Variants in ABCA8 observed in about 807,000 individuals in gnomAD.
The protein encoded by ABCA8 is ATP binding cassette subfamily A member 8.
Under a neutral mutation model 192.3 loss-of-function variants are expected in ABCA8, and 177 were observed. That is an observed-to-expected ratio of 0.92 (90% CI 0.81 to 1.04). The LOEUF is 1.04. Among genes scored for constraint, ABCA8 ranks in the 50% least tolerant of loss-of-function variants. The pLI is 0.00. For missense variants in ABCA8, 1,915 were observed against 1,904.8 expected (o/e 1.01, Z -0.10); for synonymous variants, 642 against 690.2 (o/e 0.93, Z 1.09).
At chr17:68,903,548 A>G (rs1340290424) in intron 19 of ABCA8, 49 bp from the exon 20 acceptor site, 1 of 1,571,134 alleles carries the variant, frequency 6.4e-7, no homozygotes. Flanking sequence ...TGAGCTTACT[A>G]TAGAGATTGG....
Position 68,868,362 on chromosome 17 carries a change from T to C in ABCA8, c.4712-6A>G. 6.2e-7 allele frequency: 1 copy of C among 1,611,620 alleles called. No individual in the cohort carries two copies. Among genetic ancestry groups the C allele is most frequent in the Non-Finnish European group, 8.5e-7 (1 of 1,177,804 alleles). ...TAGGTCAAAGCTCTGTTTAACTGCATAGGGATGAACATGTATTAGTTCATA... is the reference window on the plus strand; with the variant it reads ...TAGGTCAAAGCTCTGTTTAACTGCACAGGGATGAACATGTATTAGTTCATA... On this transcript the variant is annotated splice_region_variant and splice_polypyrimidine_tract_variant and intron_variant, in intron 38 of 39. Transcript: ENST00000586539.
Position 68,922,310 on chromosome 17 carries a change from A to G in ABCA8, c.1443-10T>C, listed in dbSNP as rs1177297701. 2.3e-6 allele frequency: 3 copies of G among 1,321,350 alleles called. No individual in the cohort carries two copies. The highest frequency in any genetic ancestry group is 3.0e-6 in the Non-Finnish European group (3 of 986,184). 81.9% of individuals were successfully genotyped at this position (1,321,350 alleles called of 1,614,324 possible). ...TGTAACATTTCTGATTCTGAAAAAA[A>G]GAAAAGATACTTCAAAGTGACAATT... is the stretch of plus-strand genomic sequence containing the variant. On this transcript the variant is annotated splice_polypyrimidine_tract_variant and intron_variant, in intron 11 of 39. Transcript: ENST00000586539.
chr17:68,946,527 C>T (rs1055267052), intron 2 of ABCA8, among the ~76,000 whole-genome samples: 1 of 152,180 alleles, frequency 6.6e-6, no homozygotes, highest in Non-Finnish European at 1.5e-5. Context: ...TCTATATCCT[C>T]TTTTCCCTTC....
In ABCA8 at chr17:68,937,093, T is replaced by C. The variant is rs36101902; in HGVS notation, c.324A>G (p.Pro108=). 32 of 1,608,334 alleles carry C rather than the reference T, an allele frequency of 2.0e-5. No homozygotes were observed. In the African/African-American group the frequency reaches 3.9e-4, roughly 20 times the overall value. ...FLAGKEVLGL[P]DEESIKEFTA... ...TGAATTCTTTAATACTTTCCTCATC[T>C]GGCAGTCCCAAGACCTCTTTACCTT... The change falls in exon 5 of 40, where the codon CCA becomes CCG. Residue 108 remains proline, a synonymous_variant. Coordinates refer to ENST00000586539, the MANE Select transcript of ABCA8 (RefSeq NM_001288985.2).
chr17:68,924,680 C>G (rs759325842), intron 11 of ABCA8, 21 bp downstream of exon 11: 4 of 1,603,072 alleles, frequency 2.5e-6, no homozygotes, highest in Non-Finnish European at 3.4e-6. Flanking sequence ...TTGCCCTGTT[C>G]TCCACCTGCA....
Position 68,881,211 on chromosome 17 carries a change from C to T in ABCA8, c.3947G>A (p.Gly1316Asp). 2 of 1,606,316 alleles carry T rather than the reference C, an allele frequency of 1.2e-6. No individual in the cohort carries two copies. The highest frequency in any genetic ancestry group is 1.7e-6 in the Non-Finnish European group (2 of 1,174,288). ...TRNVSFCVRKGEVLGLLGHNG... is the reference protein window; with the variant it reads ...TRNVSFCVRKDEVLGLLGHNG... ...GTGTCCTAATAATCCTAAAACTTCACCTGAAAAAAAGGTTACACTTAATAT... is the reference window on the plus strand; with the variant it reads ...GTGTCCTAATAATCCTAAAACTTCATCTGAAAAAAAGGTTACACTTAATAT... Residue 1316 changes from glycine to aspartate, a missense_variant and splice_region_variant, in exon 32 of 40, where the codon GGT becomes GAT. Coordinates refer to ENST00000586539, the MANE Select transcript of ABCA8 (RefSeq NM_001288985.2).
intron 8 of ABCA8, 69 bp from the exon 9 acceptor site, chr17:68,929,303 T>C (rs2067792287): frequency 1.6e-6 from 2 of 1,257,942 alleles, no homozygotes; most frequent in Non-Finnish European, 2.1e-6. Flanking sequence ...AAAATAGATA[T>C]ACAAAATTAT....
chr17:68,877,256 C>T (rs1315863169), intron 33 of ABCA8: 5 of 307,696 alleles, frequency 1.6e-5, no homozygotes, highest in African/African-American at 2.1e-5. Context: ...CGAGCTCAAG[C>T]AGTCCACCTG....
intron 17 of ABCA8, among the ~76,000 whole-genome samples, chr17:68,908,809 T>A (rs927101775): frequency 6.6e-6 from 1 of 152,200 alleles, no homozygotes; most frequent in Non-Finnish European, 1.5e-5. Context: ...CTGGAACGTG[T>A]TATTTAACTT....
intron 1 of ABCA8, among the ~76,000 whole-genome samples, chr17:68,952,440 G>A (rs2068593865): frequency 6.6e-6 from 1 of 152,078 alleles, no homozygotes; most frequent in South Asian, 2.1e-4. Flanking sequence ...GGATGGTCTC[G>A]ATCTCCTGAC....
At chr17:68,881,393 TG>T (rs1398476254) in intron 31 of ABCA8, among the ~76,000 whole-genome samples, 182 bp from the exon 32 acceptor site, 1 of 152,214 alleles carries the variant, frequency 6.6e-6, no homozygotes, top group Non-Finnish European at 1.5e-5. Context: ...CTCTCAATGA[TG>T]GGGTTACCTG....
chr17:68,884,631 G>A (rs1290530035), intron 27 of ABCA8: 3 of 1,221,326 alleles, frequency 2.5e-6, no homozygotes, highest in Non-Finnish European at 3.1e-6. Flanking sequence ...GAATCCTGGA[G>A]ATCCGTGCTA....
chr17:68,875,136 T>C, intron 37 of ABCA8, 124 bp downstream of exon 37: 4 of 1,351,178 alleles, frequency 3.0e-6, no homozygotes, highest in Non-Finnish European at 4.0e-6. Flanking sequence ...CTAGTTTACT[T>C]CCTGCAGAAT....
At chr17:68,927,886 A>T in intron 10 of ABCA8, 30 bp downstream of exon 10, 1 of 1,456,058 alleles carries the variant, frequency 6.9e-7, no homozygotes, top group Non-Finnish European at 9.4e-7. Flanking sequence ...TATTTAAATG[A>T]TATATGATTT....
At position 68,940,804 on chromosome 17, in the gene ABCA8, C is replaced by A; in HGVS notation, c.255G>T (p.Thr85=). 6.2e-7 allele frequency: 1 copy of A among 1,613,480 alleles called. No homozygotes were observed. The highest frequency in any genetic ancestry group is 1.1e-5 in the South Asian group (1 of 91,044). ...FSVVYTPVTN[T]TQQIMNKVAS... ...CTACTTTATTCATTATCTGTTGGGTCGTGTTGGTGACAGGTGTGTATACAA... is the reference window on the plus strand; with the variant it reads ...CTACTTTATTCATTATCTGTTGGGTAGTGTTGGTGACAGGTGTGTATACAA... Residue 85 remains threonine (T), a synonymous_variant, in exon 4 of 40, where the codon ACG becomes ACT. Coordinates refer to ENST00000586539, the MANE Select transcript of ABCA8 (RefSeq NM_001288985.2).
Position 68,942,005 on chromosome 17 carries a change from T to C in ABCA8, c.30A>G (p.Gln10=). Residue 10 remains glutamine, a synonymous_variant, in exon 3 of 40, where the codon CAA becomes CAG. Transcript: ENST00000586539. MRKRKISVC[Q]QTWALLCKNF... ...TCTTGCATAATAAGGCCCAAGTTTG[T>C]TGACACACACTGATCTTTCTCTTCC... 1 of 1,613,282 alleles carries C rather than the reference T, an allele frequency of 6.2e-7. No homozygotes were observed. Among genetic ancestry groups the C allele is most frequent in the African/African-American group, 1.3e-5 (1 of 75,008 alleles).
Position 68,892,358 on chromosome 17 carries a change from G to T in ABCA8, c.3037-762C>A, listed in dbSNP as rs544311181. On this transcript the variant is annotated intron_variant, in intron 23 of 39. Coordinates refer to ENST00000586539, the MANE Select transcript of ABCA8 (RefSeq NM_001288985.2). ...TGCTTCCAGAATGTCCTGAGTACTGGGTAGGGTCAATACTTAGTGGCCAAT... is the reference window on the plus strand; with the variant it reads ...TGCTTCCAGAATGTCCTGAGTACTGTGTAGGGTCAATACTTAGTGGCCAAT... Among the ~76,000 whole-genome samples the T allele has an allele frequency of 1.9e-4, 29 of 152,218 alleles. No homozygotes were observed. The South Asian group carries it at 6.0e-3, about 32-fold the overall frequency.
rs1312917807 is a variant in ABCA8, at chr17:68,937,938, T to C, written c.302-823A>G. Among the ~76,000 whole-genome samples the C allele has an allele frequency of 2.6e-5, 4 of 152,142 alleles. No individual in the cohort carries two copies. In the East Asian group the frequency reaches 7.7e-4, roughly 29 times the overall value. ...TTCTCTTTTTACAGAATACAGTTTTTGTAGAAATATACCATATTGTAGCAT... is the reference window on the plus strand; with the variant it reads ...TTCTCTTTTTACAGAATACAGTTTTCGTAGAAATATACCATATTGTAGCAT... On this transcript the variant is annotated intron_variant, in intron 4 of 39. Transcript: ENST00000586539.
intron 7 of ABCA8, 26 bp downstream of exon 7, chr17:68,932,262 A>G: frequency 6.5e-7 from 1 of 1,543,122 alleles, no homozygotes; most frequent in Middle Eastern, 1.7e-4. Flanking sequence ...TCCTCCGTTT[A>G]TTTATTTGTG....
Sources: gnomAD v4.1 joint callset for allele counts (sites outside exome capture counted in the v4.1 genomes callset) on GRCh38, gnomAD v4.1.1 for gene constraint, MANE v1.5 for transcripts, NCBI Gene and HGNC (gene_info 2026-07-23, HGNC 2026-07-21) for gene names.